SDCCAG8: variants seen among roughly 807,000 people sequenced by gnomAD.
SDCCAG8 encodes SHH signaling and ciliogenesis regulator SDCCAG8, also known as serologically defined colon cancer antigen 8.
In SDCCAG8, 74 loss-of-function variants were observed where a neutral mutation model predicts 101.8. The observed-to-expected ratio is 0.73, with a 90% confidence interval of 0.60 to 0.88. SDCCAG8 has a LOEUF of 0.88. Among genes scored for constraint, SDCCAG8 ranks in the 40% least tolerant of loss-of-function variants. The probability of loss-of-function intolerance (pLI) is 0.00; values close to 1 mark genes in which losing one functional copy is unlikely to be tolerated. For missense variants in SDCCAG8, 787 were observed against 822.6 expected (o/e 0.96, Z 0.53); for synonymous variants, 281 against 292.9 (o/e 0.96, Z 0.41).
chr1:243,284,412 A>T (rs2069381101), intron 4 of SDCCAG8, among the ~76,000 whole-genome samples: 1 of 152,196 alleles, frequency 6.6e-6, no homozygotes, highest in Admixed American at 6.5e-5. Context: ...TTTCTCTGTC[A>T]GTATACGGGA....
intron 8 of SDCCAG8, among the ~76,000 whole-genome samples, chr1:243,313,241 C>T (rs1573204647): frequency 6.6e-6 from 1 of 152,088 alleles, no homozygotes; most frequent in Non-Finnish European, 1.5e-5. Context: ...TTTTTAAAAA[C>T]GGTGTAGTAA....
intron 12 of SDCCAG8, among the ~76,000 whole-genome samples, chr1:243,368,309 C>T (rs1028503457): frequency 2.0e-5 from 3 of 151,754 alleles, no homozygotes; most frequent in Non-Finnish European, 4.4e-5. Context: ...TTTGGGTGGT[C>T]ATAGCATATT....
chr1:243,309,347 C>T (rs190292720), intron 8 of SDCCAG8, among the ~76,000 whole-genome samples: 4 of 152,266 alleles, frequency 2.6e-5, no homozygotes, highest in Admixed American at 2.6e-4. Flanking sequence ...CTTGAGGGGT[C>T]ACTAGAGAAA....
chr1:243,417,884 C>A, intron 14 of SDCCAG8, 84 bp from the exon 15 acceptor site: 2 of 959,288 alleles, frequency 2.1e-6, no homozygotes, highest in Non-Finnish European at 3.4e-6. Flanking sequence ...GGGGTCTAAG[C>A]ACTTTACCAC....
At chr1:243,381,425 C>CA (rs1442054902) in intron 13 of SDCCAG8, among the ~76,000 whole-genome samples, 3 of 151,562 alleles carry the variant, frequency 2.0e-5, no homozygotes, top group African/African-American at 7.3e-5. Context: ...CCCATCTCTA[C>CA]AAAAAAACAA....
At position 243,497,670 on chromosome 1, in the gene SDCCAG8, G is replaced by A. The variant is rs115046103; in HGVS notation, c.2113-2086G>A. Among the ~76,000 whole-genome samples, 544 of 152,246 alleles carry A rather than the reference G, an allele frequency of 3.6e-3. 4 individuals carry two copies. The highest frequency in any genetic ancestry group is 0.012 in the African/African-American group (516 of 41,530). On this transcript the variant is annotated intron_variant, in intron 17 of 17. Coordinates refer to ENST00000366541, the MANE Select transcript of SDCCAG8 (RefSeq NM_006642.5). ...TTCCTGGAGCTTATCAAAAAATTCC[G>A]CAACACATTTTACTTTTACTTCAGG...
intron 4 of SDCCAG8, among the ~76,000 whole-genome samples, chr1:243,276,157 C>T (rs758260463): frequency 1.4e-4 from 21 of 152,184 alleles, no homozygotes; most frequent in East Asian, 1.2e-3. Context: ...CCACGATGCC[C>T]GGCCTAAACC....
At chr1:243,349,114 G>C (rs2075936613) in intron 12 of SDCCAG8, among the ~76,000 whole-genome samples, 1 of 152,136 alleles carries the variant, frequency 6.6e-6, no homozygotes, top group Admixed American at 6.5e-5. Flanking sequence ...AACAGCACAT[G>C]TGTGACTGCA....
At chr1:243,417,634 T>A (rs1374837709) in intron 14 of SDCCAG8, among the ~76,000 whole-genome samples, 2 of 152,206 alleles carry the variant, frequency 1.3e-5, no homozygotes, top group East Asian at 1.9e-4. Flanking sequence ...AGTAAAATTG[T>A]CAAAATAAAA....
chr1:243,414,546 A>G (rs2080430597), intron 13 of SDCCAG8, among the ~76,000 whole-genome samples: 1 of 152,180 alleles, frequency 6.6e-6, no homozygotes, highest in Non-Finnish European at 1.5e-5. Flanking sequence ...ATTTTATACT[A>G]CAACATGACC....
chr1:243,284,525 C>T (rs1376975820), intron 4 of SDCCAG8, among the ~76,000 whole-genome samples: 3 of 152,178 alleles, frequency 2.0e-5, no homozygotes, highest in African/African-American at 4.8e-5. Flanking sequence ...TGGGCTGTGA[C>T]GTTCACAAGT....
At chr1:243,294,536 C>G (rs2070648524) in intron 6 of SDCCAG8, among the ~76,000 whole-genome samples, 1 of 23,080 alleles carries the variant, frequency 4.3e-5, no homozygotes, top group South Asian at 1.9e-3. Flanking sequence ...AACAACCCAC[C>G]TCTCCCAGTC....
intron 12 of SDCCAG8, among the ~76,000 whole-genome samples, chr1:243,347,075 T>C (rs2075760976): frequency 6.6e-6 from 1 of 152,140 alleles, no homozygotes; most frequent in South Asian, 2.1e-4. Flanking sequence ...CTCAATCCTA[T>C]TCCATCTATC....
At chr1:243,478,652 G>A (rs115052103) in intron 16 of SDCCAG8, among the ~76,000 whole-genome samples, 1,675 of 152,160 alleles carry the variant, frequency 0.011, 37 homozygotes, top group African/African-American at 0.038. Context: ...TTAGGCACGG[G>A]AAATGTAAAC....
At chr1:243,440,779 G>A (rs1032126460) in intron 16 of SDCCAG8, among the ~76,000 whole-genome samples, 1 of 152,188 alleles carries the variant, frequency 6.6e-6, no homozygotes. Context: ...TCGTGCTTTT[G>A]AAGAGTGTTT....
At chr1:243,409,809 G>A (rs900090189) in intron 13 of SDCCAG8, among the ~76,000 whole-genome samples, 5 of 151,978 alleles carry the variant, frequency 3.3e-5, no homozygotes, top group African/African-American at 1.2e-4. Flanking sequence ...GAGAGAGAAG[G>A]GAAAGCTCTT....
At chr1:243,386,248 C>T (rs988905401) in intron 13 of SDCCAG8, among the ~76,000 whole-genome samples, 2 of 152,154 alleles carry the variant, frequency 1.3e-5, no homozygotes, top group African/African-American at 2.4e-5. Flanking sequence ...GATATGTTAT[C>T]GAAGCAGGTT....
chr1:243,360,603 C>T (rs1280549525), intron 12 of SDCCAG8, among the ~76,000 whole-genome samples: 5 of 152,030 alleles, frequency 3.3e-5, no homozygotes, highest in African/African-American at 1.2e-4. Flanking sequence ...GCAGGTGAAT[C>T]AGGAGGTCAG....
chr1:243,328,318 G>A (rs1217036641), intron 9 of SDCCAG8, among the ~76,000 whole-genome samples: 2 of 152,012 alleles, frequency 1.3e-5, no homozygotes, highest in Non-Finnish European at 2.9e-5. Context: ...ACACTCTGTT[G>A]CCCAGGCTGG....
Sources: allele counts gnomAD v4.1 joint callset (sites outside exome capture counted in the v4.1 genomes callset), GRCh38; gene constraint gnomAD v4.1.1; transcripts MANE v1.5; gene names NCBI Gene and HGNC (gene_info 2026-07-23, HGNC 2026-07-21).